SPTBN1: variants seen among roughly 807,000 people sequenced by gnomAD.
SPTBN1 encodes spectrin beta chain, non-erythrocytic 1.
In SPTBN1, 32 loss-of-function variants were observed where a neutral mutation model predicts 266.4. That is an observed-to-expected ratio of 0.12 (90% CI 0.09 to 0.16). SPTBN1 has a LOEUF of 0.16. Among genes scored for constraint, SPTBN1 ranks in the 10% least tolerant of loss-of-function variants. The probability of loss-of-function intolerance (pLI) is 1.00; values close to 1 mark genes in which losing one functional copy is unlikely to be tolerated. For synonymous variants in SPTBN1, 1,336 were observed against 1,162.2 expected, an observed-to-expected ratio of 1.15 and a Z score of -3.04; for missense variants, 2,296 against 3,067.1, an observed-to-expected ratio of 0.75 and a Z score of 5.94.
At chr2:54,485,360 T>A (rs1668305503) in intron 1 of SPTBN1, among the ~76,000 whole-genome samples, 1 of 152,152 alleles carries the variant, frequency 6.6e-6, no homozygotes, top group South Asian at 2.1e-4. Flanking sequence ...CTGACTGGTT[T>A]TCGTATTTTT....
At chr2:54,464,560 G>A (rs939734481) in intron 1 of SPTBN1, among the ~76,000 whole-genome samples, 3 of 152,216 alleles carry the variant, frequency 2.0e-5, no homozygotes, top group African/African-American at 7.2e-5. Context: ...AAATTCCCAT[G>A]ACTTAATGTT....
rs534319531 is a variant in SPTBN1, at chr2:54,550,456, G to A, written c.148+23890G>A. On this transcript the variant is annotated intron_variant, in intron 2 of 35. Transcript: ENST00000356805. ...TCCATATCTCTGCAACTGGGTAATC[G>A]GTACCTGTTTTTCAAAGAGCAAGAA... 2.6e-5 allele frequency among the ~76,000 whole-genome samples: 4 copies of A among 152,232 alleles called. No individual in the cohort carries two copies. The East Asian group carries it at 5.8e-4, about 22-fold the overall frequency.
In SPTBN1 at chr2:54,558,432, A is replaced by C; in HGVS notation, c.148+31866A>C. 9.8e-7 allele frequency: 1 copy of C among 1,020,892 alleles called. No homozygotes were observed. The highest frequency in any genetic ancestry group is 1.2e-6 in the Non-Finnish European group (1 of 853,328). 63.2% of individuals were successfully genotyped at this position (1,020,892 alleles called of 1,614,324 possible). A position where few individuals can be genotyped will look rare whatever the true frequency, so the allele number is the denominator to read the frequency against. ...CGCCCGCGAGCTCCCGGGCTCGGCAACCGTGGCATGCTTAGGATTGGCCAT... is the reference window on the plus strand; with the variant it reads ...CGCCCGCGAGCTCCCGGGCTCGGCACCCGTGGCATGCTTAGGATTGGCCAT... On this transcript the variant is annotated intron_variant, in intron 2 of 35. Coordinates refer to ENST00000356805, the MANE Select transcript of SPTBN1 (RefSeq NM_003128.3). This position sits in a 1 kb window ranked among gnomAD's most constrained non-coding sequence, Gnocchi z 4.6.
rs140795482 is a variant in SPTBN1, at chr2:54,486,725, A to T, written c.-48+30207A>T. ...CACCCAAGAATGATCAATTAAAAAA[A>T]AATAATAAATTAAAAAAAAAAAAAG... On this transcript the variant is annotated intron_variant, in intron 1 of 35. Coordinates refer to ENST00000356805, the MANE Select transcript of SPTBN1 (RefSeq NM_003128.3). Among the ~76,000 whole-genome samples the T allele has an allele frequency of 3.0e-3, 450 of 151,836 alleles. 4 individuals carry two copies. In the East Asian group the frequency reaches 0.034, roughly 12 times the overall value.
intron 1 of SPTBN1, among the ~76,000 whole-genome samples, chr2:54,481,404 G>A (rs1453954255): frequency 1.2e-5 from 1 of 83,170 alleles, no homozygotes; most frequent in Non-Finnish European, 2.4e-5. Context: ...GTGTGTGTGT[G>A]TGTGTGTGTG....
chr2:54,465,639 C>CATATATATATAT (rs70944167), intron 1 of SPTBN1, among the ~76,000 whole-genome samples: 1,839 of 116,088 alleles, frequency 0.016, 26 homozygotes, highest in Admixed American at 0.055. Context: ...ATGTTTATCT[C>CATATATATATAT]ATATATATAT....
rs115951164 is a variant in SPTBN1 at position 54,495,661 on chromosome 2, C to A, written c.-47-30711C>A. Among the ~76,000 whole-genome samples, 927 of 111,124 alleles carry A rather than the reference C, an allele frequency of 8.3e-3. 10 individuals carry two copies. The highest frequency in any genetic ancestry group is 0.023 in the African/African-American group (874 of 38,784). The allele number at this position is 111,124 out of a possible 152,430, so 72.9% of individuals were successfully genotyped here. On this transcript the variant is annotated intron_variant, in intron 1 of 35. Transcript: ENST00000356805. ...GTATGTTTTAAAACAAAATTAGAATCATAATTTGCATGTGTTTTTACCTTT... is the reference window on the plus strand; with the variant it reads ...GTATGTTTTAAAACAAAATTAGAATAATAATTTGCATGTGTTTTTACCTTT...
intron 2 of SPTBN1, among the ~76,000 whole-genome samples, chr2:54,541,937 TC>T (rs750146742): frequency 6.6e-6 from 1 of 152,220 alleles, no homozygotes; most frequent in Non-Finnish European, 1.5e-5. Context: ...TCTATTCTAT[TC>T]CATTTTTTAA....
At chr2:54,522,265 AG>A (rs906401239) in intron 1 of SPTBN1, among the ~76,000 whole-genome samples, 1 of 152,152 alleles carries the variant, frequency 6.6e-6, no homozygotes, top group African/African-American at 2.4e-5. Flanking sequence ...AAAGAACATT[AG>A]GAAAAAAGGT....
At chr2:54,663,033 A>G (rs866350125) in intron 32 of SPTBN1, 1 of 152,244 alleles carries the variant, frequency 6.6e-6, no homozygotes, top group Non-Finnish European at 1.5e-5. Flanking sequence ...TTGCATAGAC[A>G]TAACTTAAAC....
intron 2 of SPTBN1, among the ~76,000 whole-genome samples, chr2:54,532,539 T>C (rs1268072948): frequency 6.6e-6 from 1 of 152,226 alleles, no homozygotes; most frequent in Non-Finnish European, 1.5e-5. Flanking sequence ...TAGATGGTAC[T>C]TCCCCACTTC....
At chr2:54,546,680 A>G (rs968254030) in intron 2 of SPTBN1, 1 of 152,212 alleles carries the variant, frequency 6.6e-6, no homozygotes, top group African/African-American at 2.4e-5. Flanking sequence ...ACTGCACACA[A>G]ATGTGAGGCT....
chr2:54,663,021 G>A (rs1681154586), intron 32 of SPTBN1: 1 of 152,158 alleles, frequency 6.6e-6, no homozygotes, highest in South Asian at 2.1e-4. Flanking sequence ...AATTATGATA[G>A]TTTGCATAGA....
intron 3 of SPTBN1, among the ~76,000 whole-genome samples, chr2:54,606,851 G>A (rs563116175): frequency 6.6e-6 from 1 of 152,212 alleles, no homozygotes; most frequent in Non-Finnish European, 1.5e-5. Context: ...CGGGTGTACC[G>A]TGGAGAGAGA....
At chr2:54,485,648 G>A (rs1281466525) in intron 1 of SPTBN1, among the ~76,000 whole-genome samples, 9 of 152,020 alleles carry the variant, frequency 5.9e-5, no homozygotes, top group Non-Finnish European at 1.3e-4. Context: ...CTGCCTGGTC[G>A]CCCATCGTCT....
At chr2:54,622,156 C>T (rs998631174) in intron 8 of SPTBN1, 144 bp from the exon 9 acceptor site, 8 of 741,770 alleles carry the variant, frequency 1.1e-5, no homozygotes, top group African/African-American at 1.8e-5. Flanking sequence ...AATGCTTGTG[C>T]CCAGGTACAG....
chr2:54,634,307 A>C (rs1678964375), intron 17 of SPTBN1, among the ~76,000 whole-genome samples: 1 of 152,186 alleles, frequency 6.6e-6, no homozygotes, highest in Admixed American at 6.5e-5. Context: ...GGATATGATA[A>C]AACGTTTCAG....
At chr2:54,634,206 G>A (rs760604549) in intron 17 of SPTBN1, among the ~76,000 whole-genome samples, 7 of 152,214 alleles carry the variant, frequency 4.6e-5, no homozygotes, top group Non-Finnish European at 8.8e-5. Context: ...CAGGCATGCA[G>A]CTGCCTTGCT....
At chr2:54,633,348 G>A (rs1678884477) in intron 17 of SPTBN1, among the ~76,000 whole-genome samples, 1 of 152,050 alleles carries the variant, frequency 6.6e-6, no homozygotes, top group Non-Finnish European at 1.5e-5. Context: ...CTTCTGCCAG[G>A]GCATCTCCAG....
Sources: allele counts gnomAD v4.1 joint callset (sites outside exome capture counted in the v4.1 genomes callset), GRCh38; gene constraint gnomAD v4.1.1; non-coding constraint Gnocchi (gnomAD v3.1); transcripts MANE v1.5; gene names NCBI Gene and HGNC (gene_info 2026-07-23, HGNC 2026-07-21).